Variants in COL19A1 observed in about 807,000 individuals in gnomAD.
The protein encoded by COL19A1 is collagen type XIX alpha 1 chain, also known as collagen alpha-1(XIX) chain.
In COL19A1, 159 loss-of-function variants were observed where a neutral mutation model predicts 190.2. The ratio of observed to expected loss-of-function variants is 0.84; its 90% CI spans 0.73 to 0.95. COL19A1 has a LOEUF of 0.95. Among genes scored for constraint, COL19A1 ranks in the 40% least tolerant of loss-of-function variants. COL19A1 has a pLI of 0.00. For synonymous variants in COL19A1, 509 were observed against 458.9 expected (o/e 1.11, Z -1.39); for missense variants, 1,418 against 1,431.9 (o/e 0.99, Z 0.16).
At chr6:70,004,132 G>C (rs908743633) in intron 11 of COL19A1, among the ~76,000 whole-genome samples, 6 of 152,116 alleles carry the variant, frequency 3.9e-5, no homozygotes, top group African/African-American at 1.4e-4. Context: ...CACTTATGAA[G>C]CTTAGTTTGG....
chr6:70,169,311 A>AT (rs570781657), intron 40 of COL19A1, among the ~76,000 whole-genome samples: 2 of 151,992 alleles, frequency 1.3e-5, no homozygotes, highest in African/African-American at 4.8e-5. Context: ...ATTGCTGGGC[A>AT]TTTTCTCCTG....
intron 14 of COL19A1, among the ~76,000 whole-genome samples, chr6:70,039,050 C>T (rs1037442028): frequency 1.3e-5 from 2 of 151,442 alleles, no homozygotes; most frequent in Non-Finnish European, 2.9e-5. Flanking sequence ...GAGCAAGACT[C>T]CGTCTGAAAA....
intron 4 of COL19A1, among the ~76,000 whole-genome samples, chr6:69,905,696 C>T: frequency 6.6e-6 from 1 of 152,184 alleles, no homozygotes; most frequent in Admixed American, 6.5e-5. Context: ...TTTACCTCGG[C>T]CTATCCTTGA....
At position 69,928,049 on chromosome 6, in the gene COL19A1, G is replaced by A. The variant is rs775885962; in HGVS notation, c.390+17G>A. ...ATTCCACAGGTAAAGTACCATTAGA[G>A]TTGTGCTCATTAGTTTTCCTTGTGT... On this transcript the variant is annotated intron_variant, in intron 5 of 50. Coordinates refer to ENST00000620364, the MANE Select transcript of COL19A1 (RefSeq NM_001858.6). 6.2e-7 allele frequency: 1 copy of A among 1,606,962 alleles called. No homozygotes were observed. Among genetic ancestry groups the A allele is most frequent in the Non-Finnish European group, 8.5e-7 (1 of 1,175,666 alleles).
intron 9 of COL19A1, 123 bp from the exon 10 acceptor site, chr6:69,959,873 A>G (rs2150043861): frequency 1.1e-5 from 8 of 713,738 alleles, no homozygotes; most frequent in Non-Finnish European, 1.6e-5. Flanking sequence ...CCTATGCATG[A>G]TAGATATTCA....
At chr6:69,910,531 T>C (rs1323750855) in intron 4 of COL19A1, among the ~76,000 whole-genome samples, 1 of 152,200 alleles carries the variant, frequency 6.6e-6, no homozygotes, top group Non-Finnish European at 1.5e-5. Flanking sequence ...ACTTTGATAG[T>C]AGTGAGGTAC....
chr6:70,206,323 G>A (rs544422369), intron 49 of COL19A1, among the ~76,000 whole-genome samples: 21 of 152,214 alleles, frequency 1.4e-4, no homozygotes, highest in African/African-American at 4.6e-4. Context: ...CCAAAATCTC[G>A]CTATCAAGAG....
chr6:70,153,345 G>T (rs1787197936), intron 31 of COL19A1, among the ~76,000 whole-genome samples: 1 of 152,078 alleles, frequency 6.6e-6, no homozygotes, highest in South Asian at 2.1e-4. Flanking sequence ...CATAATTACA[G>T]GCACCTTCAA....
intron 16 of COL19A1, among the ~76,000 whole-genome samples, chr6:70,103,866 AGT>A (rs1304255846): frequency 1.3e-5 from 2 of 152,172 alleles, no homozygotes; most frequent in Admixed American, 1.3e-4. Context: ...TGCTTAGAAC[AGT>A]CTCTAGCCTA....
chr6:69,929,375 T>A, intron 5 of COL19A1, 50 bp from the exon 6 acceptor site: 2 of 1,553,640 alleles, frequency 1.3e-6, no homozygotes, highest in East Asian at 4.6e-5. Flanking sequence ...GCTTTAATAA[T>A]TTTGAACATT....
At chr6:70,022,927 G>A (rs1380180660) in intron 11 of COL19A1, among the ~76,000 whole-genome samples, 1 of 151,700 alleles carries the variant, frequency 6.6e-6, no homozygotes, top group East Asian at 1.9e-4. Context: ...TTTCATCTCT[G>A]ATTTTTTCAT....
Position 70,207,365 on chromosome 6 carries a change from T to A in COL19A1, c.*91T>A. On this transcript the variant is annotated 3_prime_UTR_variant, in exon 51 of 51. Transcript: ENST00000620364. ...CAAACCCTCATCATCTGTGGGTTGCTTTTTTTTTTTTTTTTTTTTTTTGGG... is the reference window on the plus strand; with the variant it reads ...CAAACCCTCATCATCTGTGGGTTGCATTTTTTTTTTTTTTTTTTTTTTGGG... 7.1e-6 allele frequency: 1 copy of A among 140,258 alleles called. No homozygotes were observed. The highest frequency in any genetic ancestry group is 9.9e-6 in the Non-Finnish European group (1 of 100,810). 8.7% of individuals were successfully genotyped at this position (140,258 alleles called of 1,614,324 possible).
chr6:70,200,716 G>C (rs1214007930), intron 49 of COL19A1, among the ~76,000 whole-genome samples: 2 of 152,270 alleles, frequency 1.3e-5, no homozygotes, highest in African/African-American at 4.8e-5. Flanking sequence ...ATTTTCTGAA[G>C]TGTCCCAAGG....
intron 4 of COL19A1, among the ~76,000 whole-genome samples, chr6:69,910,982 G>T (rs1770874781): frequency 6.6e-6 from 1 of 152,156 alleles, no homozygotes; most frequent in Admixed American, 6.6e-5. Flanking sequence ...ATGAATTAGA[G>T]AATTGACCTT....
intron 9 of COL19A1, among the ~76,000 whole-genome samples, chr6:69,954,093 T>G (rs530433457): frequency 6.6e-6 from 1 of 152,136 alleles, no homozygotes; most frequent in African/African-American, 2.4e-5. Flanking sequence ...GAGCAGATGA[T>G]CACAGATGAT....
intron 11 of COL19A1, among the ~76,000 whole-genome samples, chr6:70,001,164 A>G (rs1042422774): frequency 6.6e-6 from 1 of 152,144 alleles, no homozygotes; most frequent in Non-Finnish European, 1.5e-5. Context: ...AGTTTGTCGA[A>G]GATCAGATTG....
At chr6:70,172,453 C>T (rs901218389) in intron 41 of COL19A1, among the ~76,000 whole-genome samples, 4 of 151,668 alleles carry the variant, frequency 2.6e-5, no homozygotes, top group African/African-American at 9.7e-5. Context: ...AGGAGATAGT[C>T]GTAGGAGATG....
At chr6:69,893,463 C>T (rs1208950553) in intron 2 of COL19A1, among the ~76,000 whole-genome samples, 1 of 152,184 alleles carries the variant, frequency 6.6e-6, no homozygotes, top group East Asian at 1.9e-4. Flanking sequence ...AAGGACTAAG[C>T]TCTGATTTTT....
chr6:69,955,444 G>T (rs1419612556), intron 9 of COL19A1, among the ~76,000 whole-genome samples: 1 of 151,598 alleles, frequency 6.6e-6, no homozygotes, highest in African/African-American at 2.4e-5. Flanking sequence ...TACAAATGTA[G>T]CATATGTAAA....
Sources: allele counts gnomAD v4.1 joint callset (sites outside exome capture counted in the v4.1 genomes callset), GRCh38; gene constraint gnomAD v4.1.1; transcripts MANE v1.5; gene names NCBI Gene and HGNC (gene_info 2026-07-23, HGNC 2026-07-21).